OTUD4: variants seen among roughly 807,000 people sequenced by gnomAD.
OTUD4 encodes OTU deubiquitinase 4.
In OTUD4, 24 loss-of-function variants were observed where a neutral mutation model predicts 130.4. That is an observed-to-expected ratio of 0.18 (90% CI 0.13 to 0.26). The LOEUF (loss-of-function observed/expected upper bound fraction) is 0.26. Among genes scored for constraint, OTUD4 ranks in the 10% least tolerant of loss-of-function variants. The probability of loss-of-function intolerance (pLI) is 1.00; values close to 1 mark genes in which losing one functional copy is unlikely to be tolerated. For missense variants in OTUD4, 1,031 were observed against 1,329.4 expected, an observed-to-expected ratio of 0.78 and a Z score of 3.49; for synonymous variants, 420 against 472.5, an observed-to-expected ratio of 0.89 and a Z score of 1.44.
At chr4:145,149,261 G>T (rs949691801) in intron 13 of OTUD4, among the ~76,000 whole-genome samples, 1 of 152,114 alleles carries the variant, frequency 6.6e-6, no homozygotes, top group African/African-American at 2.4e-5. Context: ...GAACCTCAAG[G>T]ACTGCAGTCA....
chr4:145,165,284 T>C, intron 3 of OTUD4, 87 bp from the exon 4 acceptor site: 5 of 790,624 alleles, frequency 6.3e-6, no homozygotes, highest in South Asian at 3.2e-5. Context: ...TCATACAGCA[T>C]ACGTAATGAG....
chr4:145,150,465 ATGCCTCT>A (rs763817319), intron 13 of OTUD4, 41 bp downstream of exon 13: 1 of 1,301,702 alleles, frequency 7.7e-7, no homozygotes, highest in East Asian at 2.3e-5. Context: ...AATATAACAA[ATGCCTCT>A]TACTTGATTT....
At chr4:145,162,829 CAG>C in intron 5 of OTUD4, 108 bp from the exon 6 acceptor site, 1 of 546,816 alleles carries the variant, frequency 1.8e-6, no homozygotes. Context: ...TCCAAACAGA[CAG>C]TGAGTATTTT....
intron 2 of OTUD4, among the ~76,000 whole-genome samples, chr4:145,172,213 C>G (rs199686834): frequency 6.6e-6 from 1 of 152,230 alleles, no homozygotes; most frequent in East Asian, 1.9e-4. Context: ...AAGGCCACTT[C>G]AGGTGACATT....
chr4:145,155,865 A>G, intron 8 of OTUD4, 71 bp downstream of exon 8: 1 of 1,322,680 alleles, frequency 7.6e-7, no homozygotes, highest in Non-Finnish European at 1.1e-6. Flanking sequence ...AAAAGAAAAA[A>G]ATTAAGATTT....
At chr4:145,147,613 C>A (rs1750886414) in intron 13 of OTUD4, among the ~76,000 whole-genome samples, 1 of 152,150 alleles carries the variant, frequency 6.6e-6, no homozygotes, top group Non-Finnish European at 1.5e-5. Context: ...AGATATTCAG[C>A]CACAGTATTT....
intron 13 of OTUD4, among the ~76,000 whole-genome samples, chr4:145,147,257 T>A (rs1044251880): frequency 1.3e-5 from 2 of 152,182 alleles, no homozygotes; most frequent in African/African-American, 2.4e-5. Context: ...TCTGATTTTT[T>A]TTTAACCTCT....
chr4:145,171,629 G>A lies in OTUD4; in HGVS notation c.294+41C>T, dbSNP rs777997856. On this transcript the variant is annotated intron_variant, in intron 3 of 20. Coordinates refer to ENST00000447906, the MANE Select transcript of OTUD4 (RefSeq NM_001366057.1). ...TAATGAATTTTAAATACATTATTTG[G>A]ATATATAAAAATAGAAATATACTAG... 4.3e-5 allele frequency: 36 copies of A among 837,012 alleles called. 1 individual carries two copies. The highest frequency in any genetic ancestry group is 3.9e-4 in the East Asian group (16 of 40,940). 51.8% of individuals were successfully genotyped at this position (837,012 alleles called of 1,614,324 possible). A position where few individuals can be genotyped will look rare whatever the true frequency, so the allele number is the denominator to read the frequency against.
intron 1 of OTUD4, among the ~76,000 whole-genome samples, chr4:145,177,387 T>C (rs1172428395): frequency 1.3e-5 from 2 of 152,248 alleles, no homozygotes; most frequent in Non-Finnish European, 2.9e-5. Context: ...GCAACTTCTA[T>C]AAAGTGTGAG....
In OTUD4 at chr4:145,167,610, A is replaced by C. The variant is rs149286491; in HGVS notation, c.295-2413T>G. ...GGTGGCTCACGCCTGTAATCCCAGC[A>C]CTTTGGGAGGCCAAGGAGGGTGGAT... is the stretch of plus-strand genomic sequence containing the variant. On this transcript the variant is annotated intron_variant, in intron 3 of 20. Transcript: ENST00000447906. Among the ~76,000 whole-genome samples, 670 of 152,248 alleles carry C rather than the reference A, an allele frequency of 4.4e-3. 3 individuals carry two copies. Among genetic ancestry groups the C allele is most frequent in the African/African-American group, 0.015 (614 of 41,538 alleles).
At chr4:145,174,398 C>A (rs1752324928) in intron 2 of OTUD4, among the ~76,000 whole-genome samples, 1 of 152,168 alleles carries the variant, frequency 6.6e-6, no homozygotes, top group Admixed American at 6.5e-5. Context: ...TTGTCCAGGT[C>A]ATCTTTCCAT....
chr4:145,155,682 A>C lies in OTUD4; in HGVS notation c.695T>G (p.Leu232Arg), dbSNP rs778993252. The change falls in exon 9 of 21, where the codon CTG becomes CGG. Residue 232 changes from leucine (L) to arginine (R), a missense_variant. Leu to Arg is a moderately radical substitution (Grantham distance 102, BLOSUM62 -2). Transcript: ENST00000447906. The stretch of plus-strand genomic sequence containing the variant: ...GCTAGTAGAGTTCCCATTGTTCTTC[A>C]GCTGCTAAACAAAGTCAGGAAGTCC... ...GFKPLSGNEQ[L>R]KNNGNSTSLP... The C allele has an allele frequency of 1.3e-6, 2 of 1,589,694 alleles. No individual in the cohort carries two copies. The highest frequency in any genetic ancestry group is 1.7e-6 in the Non-Finnish European group (2 of 1,167,032).
Position 145,137,712 on chromosome 4 carries a change from T to A in OTUD4, c.3063A>T (p.Glu1021Asp), listed in dbSNP as rs1750347820. The change falls in exon 21 of 21, where the codon GAA (glutamate) becomes GAT (aspartate). Residue 1021 changes from glutamate to aspartate, a missense_variant. Physicochemically the swap from Glu to Asp is conservative, Grantham distance 45. Coordinates refer to ENST00000447906, the MANE Select transcript of OTUD4 (RefSeq NM_001366057.1). ...CTTCATTTTCATCTTCTGAACTCTC[T>A]TCTTTTGGTCTTTGCACTCTGCTAT... is the stretch of plus-strand genomic sequence containing the variant. ...SVDSRVQRPK[E>D]ESSEDENEVS... The A allele has an allele frequency of 6.2e-7, 1 of 1,613,968 alleles. No individual in the cohort carries two copies. Among genetic ancestry groups the A allele is most frequent in the African/African-American group, 1.3e-5 (1 of 74,898 alleles).
intron 15 of OTUD4, 152 bp downstream of exon 15, chr4:145,144,159 C>A: frequency 9.8e-7 from 1 of 1,018,508 alleles, no homozygotes; most frequent in Non-Finnish European, 1.5e-6. Context: ...CATCCTTTAG[C>A]TTGAGTCAAT....
At chr4:145,175,701 C>T (rs945120925) in intron 1 of OTUD4, among the ~76,000 whole-genome samples, 3 of 151,368 alleles carry the variant, frequency 2.0e-5, no homozygotes, top group Non-Finnish European at 2.9e-5. Flanking sequence ...ACTACCACGG[C>T]GCTTGGCTAA....
Position 145,137,519 on chromosome 4 carries a change from G to C in OTUD4, c.3256C>G (p.Gln1086Glu), listed in dbSNP as rs748391198. The change falls in exon 21 of 21, where the codon CAG becomes GAG. Residue 1086 changes from glutamine (Q) to glutamate (E), a missense_variant. Gln to Glu is a conservative substitution (Grantham distance 29). This residue lies in a region of OTUD4 where 900 missense variants were observed against 1,095.9 expected (regional missense o/e 0.82). Coordinates refer to ENST00000447906, the MANE Select transcript of OTUD4 (RefSeq NM_001366057.1). The part of the protein sequence containing the change: ...QPSRSRDEGY[Q>E]YHRNVRGRPF... ...CGCCCTCTGACATTTCGATGGTACT[G>C]ATAACCTTCATCCCGACTTCTGCTT... 5 of 1,611,804 alleles carry C rather than the reference G, an allele frequency of 3.1e-6. No homozygotes were observed. The South Asian group carries it at 3.3e-5, about 11-fold the overall frequency.
At position 145,146,461 on chromosome 4, in the gene OTUD4, C is replaced by CATAAATAA. The variant is rs55722437; in HGVS notation, c.1260-40_1260-33dup. ...AATAAAACATTCTTGTCAGAAAATACATAAATAAATAAATAAATAAATAAA... is the reference window on the plus strand; with the variant it reads ...AATAAAACATTCTTGTCAGAAAATACATAAATAAATAAATAAATAAATAAATAAATAAA... On this transcript the variant is annotated intron_variant, in intron 13 of 20. Coordinates refer to ENST00000447906, the MANE Select transcript of OTUD4 (RefSeq NM_001366057.1). 435 of 948,230 alleles carry CATAAATAA rather than the reference C, an allele frequency of 4.6e-4. 2 individuals are homozygous for CATAAATAA. The highest frequency in any genetic ancestry group is 4.0e-3 in the East Asian group (123 of 30,758). 58.7% of individuals were successfully genotyped at this position (948,230 alleles called of 1,614,324 possible).
chr4:145,168,065 CTG>C (rs1196258455), intron 3 of OTUD4, among the ~76,000 whole-genome samples: 2 of 152,008 alleles, frequency 1.3e-5, no homozygotes, highest in African/African-American at 2.4e-5. Context: ...TCTTCTAACA[CTG>C]TAATTTTACT....
Position 145,155,990 on chromosome 4 carries a change from C to T in OTUD4, c.636G>A (p.Lys212=), listed in dbSNP as rs2126771255. 1 of 1,609,780 alleles carries T rather than the reference C, an allele frequency of 6.2e-7. No homozygotes were observed. ...TCACATCAGCAGCAGCAGCAGCAGT[C>T]TTACTCCTACAAAGAAAGATAACCA... ...SDSEDDSCKS[K]TAAAAADVNG... The change falls in exon 8 of 21, where the codon AAG becomes AAA. Residue 212 remains lysine, a synonymous_variant. Coordinates refer to ENST00000447906, the MANE Select transcript of OTUD4 (RefSeq NM_001366057.1).
Sources: gnomAD v4.1 joint callset for allele counts (sites outside exome capture counted in the v4.1 genomes callset) on GRCh38, gnomAD v4.1.1 for gene constraint, gnomAD v4.1.1 regional missense constraint, MANE v1.5 for transcripts, NCBI Gene and HGNC (gene_info 2026-07-23, HGNC 2026-07-21) for gene names.